GRID2: variants seen among roughly 807,000 people sequenced by gnomAD.
GRID2 encodes glutamate receptor ionotropic, delta-2.
Under a neutral mutation model 114.8 loss-of-function variants are expected in GRID2, and 33 were observed. The ratio of observed to expected loss-of-function variants is 0.29; its 90% CI spans 0.22 to 0.38. The LOEUF (loss-of-function observed/expected upper bound fraction) is 0.38, where lower values mean the gene tolerates loss of function less well. Among genes scored for constraint, GRID2 ranks in the 10% least tolerant of loss-of-function variants. The probability of loss-of-function intolerance (pLI) is 1.00; values close to 1 mark genes in which losing one functional copy is unlikely to be tolerated. For synonymous variants in GRID2, 505 were observed against 449.9 expected, an observed-to-expected ratio of 1.12 and a Z score of -1.55; for missense variants, 1,184 against 1,257.7, an observed-to-expected ratio of 0.94 and a Z score of 0.89.
At chr4:93,192,720 C>A (rs536341337) in intron 4 of GRID2, among the ~76,000 whole-genome samples, 2 of 137,026 alleles carry the variant, frequency 1.5e-5, no homozygotes, top group South Asian at 4.5e-4. Context: ...GCACTCCAGC[C>A]TGGGCAACAA....
chr4:92,740,257 G>T (rs1378997469), intron 2 of GRID2, among the ~76,000 whole-genome samples: 1 of 152,176 alleles, frequency 6.6e-6, no homozygotes, highest in East Asian at 1.9e-4. Context: ...ATTGTCCTGT[G>T]TGTCACAAGG....
chr4:93,677,628 T>G (rs963282280), intron 14 of GRID2, among the ~76,000 whole-genome samples: 1 of 151,954 alleles, frequency 6.6e-6, no homozygotes. Flanking sequence ...TTCATGAAAA[T>G]CCGCGGTTCT....
chr4:92,375,857 G>T (rs1579260744), intron 1 of GRID2, among the ~76,000 whole-genome samples: 1 of 152,018 alleles, frequency 6.6e-6, no homozygotes, highest in African/African-American at 2.4e-5. Flanking sequence ...ATAGGTAATT[G>T]TATTATGTAA....
chr4:92,635,458 A>G lies in GRID2; in HGVS notation c.244+45172A>G, dbSNP rs138687320. 3.4e-4 allele frequency among the ~76,000 whole-genome samples: 52 copies of G among 152,016 alleles called. 1 individual carries two copies. Among genetic ancestry groups the G allele is most frequent in the African/African-American group, 6.5e-4 (27 of 41,480 alleles). ...GAACATCTCTTTGTTATTTCTCATA[A>G]GTTTCTTGGGATTTTAGGTGTTATT... is the stretch of plus-strand genomic sequence containing the variant. On this transcript the variant is annotated intron_variant, in intron 2 of 15. Coordinates refer to ENST00000282020, the MANE Select transcript of GRID2 (RefSeq NM_001510.4).
chr4:93,616,909 CG>C (rs1553966058), intron 13 of GRID2, among the ~76,000 whole-genome samples: 16 of 146,254 alleles, frequency 1.1e-4, no homozygotes, highest in Non-Finnish European at 1.8e-4. Context: ...GCGAGAATGG[CG>C]TGAACCCGGG....
chr4:92,676,096 G>GT (rs71853421), intron 2 of GRID2, among the ~76,000 whole-genome samples: 1 of 137,338 alleles, frequency 7.3e-6, no homozygotes, highest in South Asian at 2.3e-4. Flanking sequence ...TTTTAAAATA[G>GT]TTTTTTGTTT....
intron 8 of GRID2, among the ~76,000 whole-genome samples, chr4:93,339,563 G>T (rs548789924): frequency 6.6e-6 from 1 of 152,268 alleles, no homozygotes; most frequent in Non-Finnish European, 1.5e-5. Flanking sequence ...TTTCCCTCCA[G>T]AACTGTGTGA....
At chr4:93,447,968 G>A (rs1273413830) in intron 10 of GRID2, among the ~76,000 whole-genome samples, 1 of 151,840 alleles carries the variant, frequency 6.6e-6, no homozygotes, top group Non-Finnish European at 1.5e-5. Context: ...CAGCATATTA[G>A]AACATAGTAA....
At chr4:93,149,573 C>CAAAAA (rs201508289) in intron 4 of GRID2, among the ~76,000 whole-genome samples, 1 of 141,858 alleles carries the variant, frequency 7.0e-6, no homozygotes. Context: ...AAGACTCCAT[C>CAAAAA]AAAAAAAAAA....
At chr4:93,441,661 A>C (rs924842926) in intron 10 of GRID2, among the ~76,000 whole-genome samples, 3 of 151,928 alleles carry the variant, frequency 2.0e-5, no homozygotes, top group African/African-American at 7.2e-5. Context: ...TTAACTTGAC[A>C]TACAAATATT....
chr4:92,694,787 A>G (rs1734348612), intron 2 of GRID2, among the ~76,000 whole-genome samples: 1 of 152,176 alleles, frequency 6.6e-6, no homozygotes, highest in Non-Finnish European at 1.5e-5. Flanking sequence ...TTCTTAATTC[A>G]GAAGTGAGGT....
chr4:92,319,946 TATAAG>T (rs1227618758), intron 1 of GRID2, among the ~76,000 whole-genome samples: 1 of 152,260 alleles, frequency 6.6e-6, no homozygotes, highest in Admixed American at 6.5e-5. Context: ...ATGCTGTAAA[TATAAG>T]AGAAGAAATA....
At chr4:93,414,806 G>A (rs1767548981) in intron 9 of GRID2, among the ~76,000 whole-genome samples, 1 of 151,460 alleles carries the variant, frequency 6.6e-6, no homozygotes, top group South Asian at 2.1e-4. Context: ...TGTATTCTTA[G>A]TGTGTGCCTG....
intron 2 of GRID2, among the ~76,000 whole-genome samples, chr4:92,749,501 G>T (rs995884491): frequency 2.0e-5 from 3 of 151,586 alleles, no homozygotes; most frequent in African/African-American, 7.3e-5. Flanking sequence ...TTTTAGTAGA[G>T]ACCGGGTTTC....
At chr4:93,680,474 A>T (rs1292446739) in intron 14 of GRID2, among the ~76,000 whole-genome samples, 1 of 151,464 alleles carries the variant, frequency 6.6e-6, no homozygotes, top group African/African-American at 2.4e-5. Flanking sequence ...AGACACAACC[A>T]AAAAAGAGAA....
At chr4:92,383,757 T>G (rs762776512) in intron 1 of GRID2, among the ~76,000 whole-genome samples, 1 of 151,996 alleles carries the variant, frequency 6.6e-6, no homozygotes, top group Non-Finnish European at 1.5e-5. Context: ...AGCTTCACTA[T>G]AAAGTGTGTA....
At chr4:92,437,355 T>C (rs1338010397) in intron 1 of GRID2, among the ~76,000 whole-genome samples, 2 of 152,170 alleles carry the variant, frequency 1.3e-5, no homozygotes, top group Non-Finnish European at 2.9e-5. Context: ...TTTTGGCTCA[T>C]TGCAACCTCC....
chr4:93,322,234 C>T (rs1006083393), intron 8 of GRID2, among the ~76,000 whole-genome samples: 8 of 151,960 alleles, frequency 5.3e-5, no homozygotes, highest in African/African-American at 1.9e-4. Context: ...GTGTGATGTT[C>T]CCCTTCCTGT....
intron 2 of GRID2, among the ~76,000 whole-genome samples, chr4:92,886,961 CTG>C (rs1025821882): frequency 1.3e-5 from 2 of 152,050 alleles, no homozygotes; most frequent in African/African-American, 4.8e-5. Flanking sequence ...AAAAAAAAAA[CTG>C]TTGAAATCAC....
Sources: gnomAD v4.1 joint callset for allele counts (sites outside exome capture counted in the v4.1 genomes callset) on GRCh38, gnomAD v4.1.1 for gene constraint, MANE v1.5 for transcripts, NCBI Gene and HGNC (gene_info 2026-07-23, HGNC 2026-07-21) for gene names.